Variants in TLN2 observed in about 807,000 individuals in gnomAD.
TLN2 encodes the protein talin-2.
In TLN2, 118 loss-of-function variants were observed where a neutral mutation model predicts 294.7. The observed-to-expected ratio is 0.40, with a 90% CI of 0.34 to 0.47. The LOEUF is 0.47. Ranked by LOEUF, TLN2 falls within the 20% of genes least tolerant of loss-of-function variation. TLN2 has a pLI of 0.84. For missense variants in TLN2, 3,083 were observed against 3,282.2 expected (o/e 0.94, Z 1.48); for synonymous variants, 1,431 against 1,304.5 (o/e 1.10, Z -2.09).
intron 39 of TLN2, 71 bp downstream of exon 39, chr15:62,762,524 G>T: frequency 6.6e-7 from 1 of 1,515,888 alleles, no homozygotes; most frequent in Non-Finnish European, 9.1e-7. Context: ...AGCCCACCAG[G>T]CTTTTTACTT....
intron 3 of TLN2, among the ~76,000 whole-genome samples, chr15:62,620,845 T>C (rs1325493762): frequency 1.6e-4 from 22 of 136,648 alleles, no homozygotes; most frequent in East Asian, 1.5e-3. Flanking sequence ...TTCTTTTTTT[T>C]TTTTTTTTTT....
At chr15:62,811,598 A>T (rs1315716901) in intron 52 of TLN2, among the ~76,000 whole-genome samples, 1 of 152,230 alleles carries the variant, frequency 6.6e-6, no homozygotes, top group African/African-American at 2.4e-5. Flanking sequence ...AAGTAGCTAC[A>T]TGGCCACTGT....
At chr15:62,469,235 T>C (rs750246870) in intron 1 of TLN2, among the ~76,000 whole-genome samples, 3 of 152,240 alleles carry the variant, frequency 2.0e-5, no homozygotes, top group Non-Finnish European at 4.4e-5. Context: ...CTAAGACAAG[T>C]GTTAAGAACA....
intron 51 of TLN2, among the ~76,000 whole-genome samples, chr15:62,808,968 G>T (rs529719345): frequency 2.2e-4 from 34 of 152,314 alleles, no homozygotes; most frequent in Non-Finnish European, 4.1e-4. Context: ...ATAAAACATG[G>T]ATCCTGGTCT....
chr15:62,411,956 C>A (rs1232201285), intron 1 of TLN2, among the ~76,000 whole-genome samples: 1 of 152,194 alleles, frequency 6.6e-6, no homozygotes, highest in Non-Finnish European at 1.5e-5. Context: ...TGATAAGATT[C>A]ATCTGAGTAC....
intron 1 of TLN2, among the ~76,000 whole-genome samples, chr15:62,414,032 T>G (rs926129835): frequency 2.2e-5 from 3 of 135,872 alleles, no homozygotes; most frequent in Non-Finnish European, 4.6e-5. Flanking sequence ...AAGTTGAACT[T>G]GAGCTAGAGG....
chr15:62,529,855 G>A (rs907530140), intron 1 of TLN2, among the ~76,000 whole-genome samples: 10 of 152,198 alleles, frequency 6.6e-5, no homozygotes, highest in Middle Eastern at 3.4e-3. Context: ...TAACTTATTC[G>A]CCCAGTTCCC....
chr15:62,740,430 A>T, intron 31 of TLN2, 200 bp from the exon 32 acceptor site: 2 of 616,952 alleles, frequency 3.2e-6, no homozygotes, highest in Non-Finnish European at 5.5e-6. Context: ...TGTGGCATGC[A>T]TCTTGATCTG....
intron 58 of TLN2, among the ~76,000 whole-genome samples, chr15:62,840,161 A>C (rs549712111): frequency 6.6e-6 from 1 of 152,342 alleles, no homozygotes; most frequent in South Asian, 2.1e-4. Flanking sequence ...TCAACAGGGC[A>C]TGCTTCACAG....
chr15:62,587,931 A>C (rs1052836383), intron 1 of TLN2, among the ~76,000 whole-genome samples: 1 of 151,908 alleles, frequency 6.6e-6, no homozygotes, highest in African/African-American at 2.4e-5. Flanking sequence ...TCCAGGCTGG[A>C]GTGTAGTGGC....
chr15:62,675,470 C>A, intron 11 of TLN2, 149 bp downstream of exon 11: 1 of 736,418 alleles, frequency 1.4e-6, no homozygotes, highest in Non-Finnish European at 2.2e-6. Flanking sequence ...CGTTTAGCTG[C>A]CGCACAGGCA....
intron 1 of TLN2, among the ~76,000 whole-genome samples, chr15:62,511,708 A>G (rs144189271): frequency 3.9e-4 from 60 of 151,904 alleles, no homozygotes; most frequent in African/African-American, 1.3e-3. Flanking sequence ...GATTGACCCC[A>G]ATTTCCTTAG....
chr15:62,774,282 C>T (rs1463089196), intron 42 of TLN2, among the ~76,000 whole-genome samples: 2 of 152,126 alleles, frequency 1.3e-5, no homozygotes, highest in African/African-American at 4.8e-5. Context: ...GGACTTCAGA[C>T]ATGTGTCTGA....
rs376567599 is a variant in TLN2 at position 62,650,116 on chromosome 15, G to T, written c.169G>T (p.Asp57Tyr). The T allele has an allele frequency of 1.2e-6, 2 of 1,613,944 alleles. No homozygotes were observed. Among genetic ancestry groups the T allele is most frequent in the African/African-American group, 2.7e-5 (2 of 74,872 alleles). Reference protein sequence around the residue: ...SDYGLFLSDEDPRKGIWLEAG... With the variant: ...SDYGLFLSDEYPRKGIWLEAG... Reference sequence around the variant, plus strand: ...CTATGGACTCTTTCTTTCGGATGAAGACCCGAGGAAAGGGATTTGGCTGGA... The same window carrying T: ...CTATGGACTCTTTCTTTCGGATGAATACCCGAGGAAAGGGATTTGGCTGGA... The change falls in exon 5 of 59, where the codon GAC becomes TAC. Residue 57 changes from aspartate (D) to tyrosine (Y), a missense_variant. Coordinates refer to ENST00000636159, the MANE Select transcript of TLN2 (RefSeq NM_015059.3).
At chr15:62,410,274 A>G (rs527369090) in intron 1 of TLN2, among the ~76,000 whole-genome samples, 1 of 152,228 alleles carries the variant, frequency 6.6e-6, no homozygotes. Context: ...AAGGGAGCTA[A>G]AGTTAATTTT....
chr15:62,581,109 A>G (rs1373877232), intron 1 of TLN2, among the ~76,000 whole-genome samples: 5 of 151,928 alleles, frequency 3.3e-5, no homozygotes, highest in Admixed American at 6.6e-5. Context: ...GTCTCCTAAC[A>G]CCTCAAGTGA....
chr15:62,397,695 A>C (rs2032668000), intron 1 of TLN2, among the ~76,000 whole-genome samples: 1 of 152,198 alleles, frequency 6.6e-6, no homozygotes, highest in African/African-American at 2.4e-5. Context: ...AGTGGTTCCC[A>C]AACTAAAATG....
At chr15:62,762,229 T>C in intron 38 of TLN2, 43 bp from the exon 39 acceptor site, 1 of 1,609,896 alleles carries the variant, frequency 6.2e-7, no homozygotes, top group Non-Finnish European at 8.5e-7. Context: ...CATTCACTCA[T>C]GTCTTCGACC....
intron 46 of TLN2, 129 bp from the exon 47 acceptor site, chr15:62,795,998 T>G (rs563701127): frequency 8.2e-7 from 1 of 1,224,956 alleles, no homozygotes; most frequent in Admixed American, 2.6e-5. Flanking sequence ...GGCCGTTGAC[T>G]CCAGATGTGT....
Sources: gnomAD v4.1 joint callset for allele counts (sites outside exome capture counted in the v4.1 genomes callset) on GRCh38, gnomAD v4.1.1 for gene constraint, MANE v1.5 for transcripts, NCBI Gene and HGNC (gene_info 2026-07-23, HGNC 2026-07-21) for gene names.